The following LEMD3 variants were observed in gnomAD, a reference collection of about 807,000 sequenced individuals.
The protein encoded by LEMD3 is inner nuclear membrane protein Man1.
A neutral mutation model predicts 95.2 loss-of-function variants in LEMD3; 33 were observed. That is an observed-to-expected ratio of 0.35 (90% CI 0.26 to 0.46). LEMD3 has a LOEUF of 0.46. LEMD3 is among the 20% of genes least tolerant of loss of function. The pLI, the probability that LEMD3 is intolerant of heterozygous loss-of-function variation, is 1.00. For synonymous variants in LEMD3, 525 were observed against 474.6 expected (o/e 1.11, Z -1.38); for missense variants, 1,210 against 1,192.8 (o/e 1.01, Z -0.21).
In LEMD3 at chr12:65,238,813, A is replaced by T; in HGVS notation, c.1920A>T (p.Leu640Phe). Reference sequence around the variant, plus strand: ...CTCACAGATTATTGTTGTTATGCTTAGGTAAGTTGTAAAGATAAGAAATGA... The same window carrying T: ...CTCACAGATTATTGTTGTTATGCTTTGGTAAGTTGTAAAGATAAGAAATGA... ...TVTHRLLLLCLGVVMVCVVLR... is the reference protein window; with the variant it reads ...TVTHRLLLLCFGVVMVCVVLR... Residue 640 changes from leucine (L) to phenylalanine (F), a missense_variant and splice_region_variant, in exon 6 of 13, where the codon TTA becomes TTT. By Grantham distance (22) the Leu-to-Phe change is conservative. Transcript: ENST00000308330. 1.2e-6 allele frequency: 2 copies of T among 1,614,008 alleles called. No homozygotes were observed. The highest frequency in any genetic ancestry group is 2.2e-5 in the South Asian group (2 of 91,084).
At position 65,247,481 on chromosome 12, in the gene LEMD3, G is replaced by A. The variant is rs11175698; in HGVS notation, c.*1156G>A. 0.015 allele frequency: 2,333 copies of A among 152,342 alleles called. 89 individuals are homozygous for A. The East Asian group carries it at 0.17, about 11-fold the overall frequency. The allele number at this position is 152,342 out of a possible 1,614,324, so 9.4% of individuals were successfully genotyped here. A position where few individuals can be genotyped will look rare whatever the true frequency, so the allele number is the denominator to read the frequency against. On this transcript the variant is annotated 3_prime_UTR_variant, in exon 13 of 13. Coordinates refer to ENST00000308330, the MANE Select transcript of LEMD3 (RefSeq NM_014319.5). ...AAAGTTTGCAATATAGTAAATGCAC[G>A]ATTGACTGTTGCTTTGTGCCTCAGT...
intron 1 of LEMD3, among the ~76,000 whole-genome samples, chr12:65,193,008 TG>T (rs1207512993): frequency 6.6e-6 from 1 of 152,186 alleles, no homozygotes; most frequent in African/African-American, 2.4e-5. Context: ...GTTAAATACA[TG>T]TTTTTTTTGT....
At chr12:65,192,335 G>A (rs1289297558) in intron 1 of LEMD3, among the ~76,000 whole-genome samples, 1 of 152,048 alleles carries the variant, frequency 6.6e-6, no homozygotes, top group Non-Finnish European at 1.5e-5. Flanking sequence ...TTTTCTACAT[G>A]TCTACAGTTT....
chr12:65,202,517 A>AT (rs902380204), intron 1 of LEMD3, among the ~76,000 whole-genome samples: 5 of 152,122 alleles, frequency 3.3e-5, no homozygotes, highest in African/African-American at 9.7e-5. Flanking sequence ...AGACTTTTGC[A>AT]TCTGTATTCA....
Position 65,248,302 on chromosome 12 carries a change from T to A in LEMD3, c.*1977T>A, listed in dbSNP as rs1871174752. 4 of 152,144 alleles carry A rather than the reference T, an allele frequency of 2.6e-5. No homozygotes were observed. The highest frequency in any genetic ancestry group is 1.9e-4 in the East Asian group (1 of 5,202). The allele number at this position is 152,144 out of a possible 1,614,324, so 9.4% of individuals were successfully genotyped here. A position where few individuals can be genotyped will look rare whatever the true frequency, so the allele number is the denominator to read the frequency against. ...TTGTCCTGTTAAAAAAAGGAAAAAA[T>A]TCTAATTAAAAATTTATTAGTTTTT... On this transcript the variant is annotated 3_prime_UTR_variant, in exon 13 of 13. Coordinates refer to ENST00000308330, the MANE Select transcript of LEMD3 (RefSeq NM_014319.5).
rs563195967 is a variant in LEMD3, at chr12:65,246,013, A to G, written c.2572+74A>G. 5.9e-6 allele frequency: 8 copies of G among 1,353,794 alleles called. No individual in the cohort carries two copies. In the East Asian group the frequency reaches 1.6e-4, roughly 27 times the overall value. The allele number at this position is 1,353,794 out of a possible 1,614,324, so 83.9% of individuals were successfully genotyped here. A position where few individuals can be genotyped will look rare whatever the true frequency, so the allele number is the denominator to read the frequency against. ...AATTTTAAACTATACCAGATTTCAAATAAAAGAATTTAGGTTAGCATTTTT... is the reference window on the plus strand; with the variant it reads ...AATTTTAAACTATACCAGATTTCAAGTAAAAGAATTTAGGTTAGCATTTTT... On this transcript the variant is annotated intron_variant, in intron 12 of 12. Transcript: ENST00000308330.
chr12:65,206,790 C>G (rs976108724), intron 1 of LEMD3, among the ~76,000 whole-genome samples: 1 of 152,062 alleles, frequency 6.6e-6, no homozygotes, highest in Non-Finnish European at 1.5e-5. Context: ...TTTCCAACAG[C>G]AGTGTTTTCC....
At chr12:65,175,345 A>G (rs1261074489) in intron 1 of LEMD3, among the ~76,000 whole-genome samples, 1 of 152,114 alleles carries the variant, frequency 6.6e-6, no homozygotes, top group Non-Finnish European at 1.5e-5. Context: ...AATCTCTACC[A>G]TTCTAAAAAT....
chr12:65,235,420 G>A (rs893236016), intron 4 of LEMD3, among the ~76,000 whole-genome samples: 1 of 151,960 alleles, frequency 6.6e-6, no homozygotes, highest in Non-Finnish European at 1.5e-5. Flanking sequence ...CTACTCATAT[G>A]AGTACATATA....
rs575071155 is a variant in LEMD3 at position 65,218,431 on chromosome 12, A to ATCT, written c.1628-121_1628-120insTCT. ...ATAATATTGTTCATGTTCTTTCTTTACTGATTATAATAATATAACCTGTAA... is the reference window on the plus strand; with the variant it reads ...ATAATATTGTTCATGTTCTTTCTTTATCTCTGATTATAATAATATAACCTGTAA... On this transcript the variant is annotated intron_variant, in intron 3 of 12. Transcript: ENST00000308330. 1.9e-3 allele frequency: 1,002 copies of ATCT among 535,152 alleles called. 4 individuals carry two copies. Among genetic ancestry groups the ATCT allele is most frequent in the Non-Finnish European group, 2.5e-3 (756 of 302,834 alleles). The allele number at this position is 535,152 out of a possible 1,614,324, so 33.2% of individuals were successfully genotyped here.
Position 65,169,634 on chromosome 12 carries a change from C to T in LEMD3, c.38C>T (p.Ser13Leu), listed in dbSNP as rs2136312092. ...AAAASAPQQL[S>L]DEELFSQLRR... ...GCAGCTTCGGCGCCTCAGCAGCTCT[C>T]GGATGAGGAGCTTTTCTCTCAGCTC... Residue 13 changes from serine to leucine, a missense_variant, in exon 1 of 13, where the codon TCG becomes TTG. Physicochemically the swap from Ser to Leu is moderately radical, Grantham distance 145. Coordinates refer to ENST00000308330, the MANE Select transcript of LEMD3 (RefSeq NM_014319.5). 6.3e-7 allele frequency: 1 copy of T among 1,589,526 alleles called. No individual in the cohort carries two copies. Among genetic ancestry groups the T allele is most frequent in the Non-Finnish European group, 8.5e-7 (1 of 1,169,952 alleles).
chr12:65,234,071 CT>C (rs1870706297), intron 4 of LEMD3, among the ~76,000 whole-genome samples: 1 of 152,104 alleles, frequency 6.6e-6, no homozygotes, highest in Non-Finnish European at 1.5e-5. Flanking sequence ...TAGTTTCTTC[CT>C]GATTTTTGTC....
At chr12:65,218,812 A>G (rs1302354636) in intron 4 of LEMD3, among the ~76,000 whole-genome samples, 193 bp downstream of exon 4, 2 of 140,948 alleles carry the variant, frequency 1.4e-5, no homozygotes, top group East Asian at 4.1e-4. Context: ...TTTGTGAGAC[A>G]CAGTTTCGCT....
At chr12:65,227,039 A>T (rs1374633971) in intron 4 of LEMD3, among the ~76,000 whole-genome samples, 1 of 152,122 alleles carries the variant, frequency 6.6e-6, no homozygotes, top group African/African-American at 2.4e-5. Flanking sequence ...CAGTTAAAGG[A>T]TCAGAATTCA....
chr12:65,246,459 C>A lies in LEMD3; in HGVS notation c.*134C>A. On this transcript the variant is annotated 3_prime_UTR_variant, in exon 13 of 13. Coordinates refer to ENST00000308330, the MANE Select transcript of LEMD3 (RefSeq NM_014319.5). ...ATACATCTCTGAACGTTCCAGAAGT[C>A]TTAAGGTTCCAAAGGGATTTAGCAG... 1 of 746,960 alleles carries A rather than the reference C, an allele frequency of 1.3e-6. No individual in the cohort carries two copies. Among genetic ancestry groups the A allele is most frequent in the South Asian group, 1.6e-5 (1 of 64,224 alleles). 46.3% of individuals were successfully genotyped at this position (746,960 alleles called of 1,614,324 possible).
intron 6 of LEMD3, 49 bp from the exon 7 acceptor site, chr12:65,239,880 A>C (rs1244876196): frequency 8.2e-6 from 10 of 1,212,978 alleles, no homozygotes; most frequent in Non-Finnish European, 1.1e-5. Flanking sequence ...AATATTATTG[A>C]ATGATATTGA....
intron 1 of LEMD3, among the ~76,000 whole-genome samples, chr12:65,193,690 C>T (rs1869316690): frequency 6.6e-6 from 1 of 150,516 alleles, no homozygotes; most frequent in African/African-American, 2.5e-5. Context: ...AGACAGTTAA[C>T]AACTGCCTGG....
chr12:65,175,727 A>G (rs913262698), intron 1 of LEMD3, among the ~76,000 whole-genome samples: 4 of 152,170 alleles, frequency 2.6e-5, no homozygotes, highest in Non-Finnish European at 4.4e-5. Flanking sequence ...CCTTGTCATT[A>G]TCTTCCAGTT....
intron 1 of LEMD3, among the ~76,000 whole-genome samples, chr12:65,181,241 T>C (rs1242079249): frequency 6.6e-6 from 1 of 152,192 alleles, no homozygotes; most frequent in Non-Finnish European, 1.5e-5. Context: ...GTATCTCCCA[T>C]GGGATCACAA....
Sources: allele counts gnomAD v4.1 joint callset (sites outside exome capture counted in the v4.1 genomes callset), GRCh38; gene constraint gnomAD v4.1.1; transcripts MANE v1.5; gene names NCBI Gene and HGNC (gene_info 2026-07-23, HGNC 2026-07-21).